The following GGNBP2 variants were observed in gnomAD, a reference collection of about 807,000 sequenced individuals.
GGNBP2 encodes gametogenetin binding protein 2, also known as gametogenetin-binding protein 2.
A neutral mutation model predicts 85.9 loss-of-function variants in GGNBP2; 10 were observed. The observed-to-expected ratio is 0.12, with a 90% confidence interval of 0.07 to 0.20. The LOEUF (loss-of-function observed/expected upper bound fraction) is 0.20. GGNBP2 is among the 10% of genes least tolerant of loss of function. The pLI is 1.00. For missense variants in GGNBP2, 595 were observed against 857.8 expected (o/e 0.69, Z 3.83); for synonymous variants, 287 against 285.7 (o/e 1.00, Z -0.05).
intron 3 of GGNBP2, 36 bp from the exon 4 acceptor site, chr17:36,557,047 T>A: frequency 1.2e-6 from 2 of 1,611,802 alleles, no homozygotes; most frequent in Non-Finnish European, 1.7e-6. Flanking sequence ...TACGTCTTTT[T>A]AAAGGACACT....
chr17:36,568,868 G>T (rs1306046305), intron 6 of GGNBP2, among the ~76,000 whole-genome samples: 2 of 151,596 alleles, frequency 1.3e-5, no homozygotes, highest in Non-Finnish European at 2.9e-5. Context: ...AGATTCTCCT[G>T]CCTCACCCTC....
intron 7 of GGNBP2, chr17:36,578,733 C>G (rs2074615976): frequency 6.5e-6 from 1 of 155,018 alleles, no homozygotes. Flanking sequence ...TTTAGGGTAT[C>G]AACCCTCATT....
Position 36,545,686 on chromosome 17 carries a change from G to C in GGNBP2, c.-39G>C. ...CAGCGGCGGCGGCGGCGGCAGCTGG[G>C]AGGAGGTGGTGACGGTGGCAACGGC... On this transcript the variant is annotated 5_prime_UTR_variant, in exon 2 of 14. Coordinates refer to ENST00000613102, the MANE Select transcript of GGNBP2 (RefSeq NM_024835.5). The C allele has an allele frequency of 1.4e-6, 2 of 1,479,640 alleles. No individual in the cohort carries two copies. The highest frequency in any genetic ancestry group is 2.5e-5 in the East Asian group (1 of 40,430). The allele number at this position is 1,479,640 out of a possible 1,614,324, so 91.7% of individuals were successfully genotyped here. A position where few individuals can be genotyped will look rare whatever the true frequency, so the allele number is the denominator to read the frequency against.
In GGNBP2 at chr17:36,558,845, A is replaced by G. The variant is rs114301431; in HGVS notation, c.428+1509A>G. Among the ~76,000 whole-genome samples the G allele has an allele frequency of 2.4e-3, 371 of 152,082 alleles. 1 individual carries two copies. Among genetic ancestry groups the G allele is most frequent in the African/African-American group, 8.5e-3 (353 of 41,502 alleles). The stretch of plus-strand genomic sequence containing the variant: ...GGCATAGTCTGATGAAATCTGGCTT[A>G]CTTTGACCTCTGTATTGAGAATGAA... On this transcript the variant is annotated intron_variant, in intron 4 of 13. Transcript: ENST00000613102.
rs1444970638 is a variant in GGNBP2 at position 36,544,926 on chromosome 17, C to T, written c.-278C>T. 2 of 152,730 alleles carry T rather than the reference C, an allele frequency of 1.3e-5. No homozygotes were observed. The highest frequency in any genetic ancestry group is 2.9e-5 in the Non-Finnish European group (2 of 68,136). The allele number at this position is 152,730 out of a possible 1,614,324, so 9.5% of individuals were successfully genotyped here. ...CCCCCGCCCTCCTTCTTCCACTCCC[C>T]GCGGCGCGAGCGGCTGACTGCCCGT... is the stretch of plus-strand genomic sequence containing the variant. On this transcript the variant is annotated 5_prime_UTR_variant, in exon 1 of 14. Coordinates refer to ENST00000613102, the MANE Select transcript of GGNBP2 (RefSeq NM_024835.5).
chr17:36,568,450 C>T (rs2074489971), intron 6 of GGNBP2, among the ~76,000 whole-genome samples: 1 of 152,152 alleles, frequency 6.6e-6, no homozygotes, highest in African/African-American at 2.4e-5. Flanking sequence ...GCGCATGCCA[C>T]CACGCCCGGC....
chr17:36,557,632 A>G (rs1323011407), intron 4 of GGNBP2, among the ~76,000 whole-genome samples: 5 of 152,174 alleles, frequency 3.3e-5, no homozygotes, highest in Non-Finnish European at 5.9e-5. Context: ...TGATAAAATG[A>G]CATTGAATAT....
rs1555606039 is a variant in GGNBP2, at chr17:36,567,663, A to G, written c.528A>G (p.Gly176=). Residue 176 remains glycine, a splice_region_variant and synonymous_variant, in exon 6 of 14, where the codon GGA becomes GGG. Transcript: ENST00000613102. Reference sequence around the variant, plus strand: ...TCACTAATATTTGTTCTTTCTACAGAGGTTGTTGGATGGATGTATGGGAAC... The same window carrying G: ...TCACTAATATTTGTTCTTTCTACAGGGGTTGTTGGATGGATGTATGGGAAC... The part of the protein sequence containing the change: ...SLDTHKPKPL[G]GCWMDVWELM... 7 of 1,518,480 alleles carry G rather than the reference A, an allele frequency of 4.6e-6. No individual in the cohort carries two copies. Among genetic ancestry groups the G allele is most frequent in the Admixed American group, 1.7e-5 (1 of 59,042 alleles). The allele number at this position is 1,518,480 out of a possible 1,614,324, so 94.1% of individuals were successfully genotyped here.
intron 5 of GGNBP2, among the ~76,000 whole-genome samples, chr17:36,565,125 A>G (rs1567823949): frequency 6.6e-6 from 1 of 152,170 alleles, no homozygotes; most frequent in East Asian, 1.9e-4. Context: ...CGTTCCAAGG[A>G]AGTCTGATCA....
chr17:36,584,534 C>T (rs1422546968), intron 9 of GGNBP2, among the ~76,000 whole-genome samples: 1 of 152,180 alleles, frequency 6.6e-6, no homozygotes, highest in African/African-American at 2.4e-5. Flanking sequence ...GACGGGGTCT[C>T]ACCATCTTGG....
At chr17:36,547,849 G>T (rs887719189) in intron 2 of GGNBP2, 5 of 152,194 alleles carry the variant, frequency 3.3e-5, no homozygotes, top group Non-Finnish European at 7.3e-5. Flanking sequence ...ATTTGTGCTG[G>T]GACTTCTGCA....
intron 9 of GGNBP2, 86 bp from the exon 10 acceptor site, chr17:36,585,214 G>A (rs1022483982): frequency 2.7e-6 from 3 of 1,129,076 alleles, no homozygotes; most frequent in African/African-American, 1.6e-5. Context: ...CTTACTATTA[G>A]GATGAAAATA....
intron 6 of GGNBP2, among the ~76,000 whole-genome samples, chr17:36,572,214 TA>T (rs1555606926): frequency 6.6e-6 from 1 of 152,092 alleles, no homozygotes; most frequent in Admixed American, 6.5e-5. Context: ...AGCAGTAAAA[TA>T]GGGGGAAAAT....
At position 36,545,556 on chromosome 17, in the gene GGNBP2, C is replaced by T. The variant is rs959537971; in HGVS notation, c.-106-63C>T. 1.9e-4 allele frequency: 111 copies of T among 586,880 alleles called. 1 individual carries two copies. In the East Asian group the frequency reaches 3.2e-3, roughly 17 times the overall value. The allele number at this position is 586,880 out of a possible 1,614,324, so 36.4% of individuals were successfully genotyped here. On this transcript the variant is annotated intron_variant, in intron 1 of 13. Transcript: ENST00000613102. ...CGTACCCTCCCGCTCCGCTCCCTGC[C>T]CCCCGTGGCGAATGTGCTGCGCAGC...
chr17:36,586,922 T>C, intron 12 of GGNBP2, 75 bp from the exon 13 acceptor site: 1 of 1,403,300 alleles, frequency 7.1e-7, no homozygotes, highest in Non-Finnish European at 9.6e-7. Context: ...CCCCGCTTTT[T>C]TTTTTTTTTT....
intron 6 of GGNBP2, among the ~76,000 whole-genome samples, chr17:36,568,996 G>A (rs1007684368): frequency 6.6e-6 from 1 of 151,946 alleles, no homozygotes; most frequent in African/African-American, 2.4e-5. Flanking sequence ...CTTGTGATCC[G>A]CTCTCCTCAG....
rs556324689 is a variant in GGNBP2 at position 36,562,944 on chromosome 17, ACT to A, written c.527+2076_527+2077del. Among the ~76,000 whole-genome samples the A allele has an allele frequency of 5.6e-3, 534 of 95,644 alleles. 11 individuals carry two copies. Among genetic ancestry groups the A allele is most frequent in the East Asian group, 0.033 (97 of 2,896 alleles). 62.7% of individuals were successfully genotyped at this position (95,644 alleles called of 152,430 possible). On this transcript the variant is annotated intron_variant, in intron 5 of 13. Transcript: ENST00000613102. ...CGTGTCGCCTGGGCGACAGAGCGAGACTCTGTCTCAAAAAAAAAAAAAAAAAA... is the reference window on the plus strand; with the variant it reads ...CGTGTCGCCTGGGCGACAGAGCGAGACTGTCTCAAAAAAAAAAAAAAAAAA...
chr17:36,561,240 C>T (rs553937001), intron 5 of GGNBP2, among the ~76,000 whole-genome samples: 1 of 152,194 alleles, frequency 6.6e-6, no homozygotes, highest in South Asian at 2.1e-4. Context: ...TCTCCTGCCT[C>T]AGCTTCCTGA....
intron 1 of GGNBP2, 128 bp from the exon 2 acceptor site, chr17:36,545,491 T>G: frequency 4.7e-6 from 2 of 429,266 alleles, no homozygotes; most frequent in Non-Finnish European, 4.1e-6. Context: ...TGGCTGAGCG[T>G]GTGTGGAATC....
Sources: allele counts gnomAD v4.1 joint callset (sites outside exome capture counted in the v4.1 genomes callset), GRCh38; gene constraint gnomAD v4.1.1; transcripts MANE v1.5; gene names NCBI Gene and HGNC (gene_info 2026-07-23, HGNC 2026-07-21).